TOMT: variants seen among roughly 807,000 people sequenced by gnomAD.
The protein encoded by TOMT is transmembrane O-methyltransferase.
TOMT carries 23 observed loss-of-function variants against 21.7 expected under a neutral mutation model. That is an observed-to-expected ratio of 1.06 (90% confidence interval 0.76 to 1.50). TOMT has a LOEUF of 1.50. Ranked by LOEUF, TOMT falls within the 40% of genes most tolerant of loss-of-function variation. The pLI is 0.00. For missense variants in TOMT, 331 were observed against 348.7 expected, an observed-to-expected ratio of 0.95 and a Z score of 0.41; for synonymous variants, 132 against 150.8, an observed-to-expected ratio of 0.88 and a Z score of 0.91.
intron 1 of TOMT, chr11:72,106,552 A>T (rs1945707986): frequency 5.2e-6 from 1 of 190,530 alleles, no homozygotes; most frequent in Non-Finnish European, 1.1e-5. Context: ...CTGTCTCCAC[A>T]TCTTTCCTCT....
At chr11:72,108,210 G>A in intron 2 of TOMT, 91 bp downstream of exon 2, 2 of 1,180,214 alleles carry the variant, frequency 1.7e-6, no homozygotes, top group South Asian at 1.8e-5. Flanking sequence ...TAAGGAGAAG[G>A]AAGCACCTCC....
At chr11:72,108,957 AC>A in exon 3 of TOMT, 1 of 1,306,488 alleles carries the variant, frequency 7.7e-7, no homozygotes. Context: ...ACTGATGCCC[AC>A]CCCCACCCCC....
Position 72,107,720 on chromosome 11 carries a change from G to T in TOMT, c.260-203G>T, listed in dbSNP as rs1437802397. On this transcript the variant is annotated intron_variant, in intron 1 of 2. Coordinates refer to ENST00000541899, the Ensembl canonical transcript of TOMT. ...GCCAAGGAGTAATAAGGTCAGATTTGTTGGAAAGATTCCAGGGCTGGTGTG... is the reference window on the plus strand; with the variant it reads ...GCCAAGGAGTAATAAGGTCAGATTTTTTGGAAAGATTCCAGGGCTGGTGTG... 4 of 624,238 alleles carry T rather than the reference G, an allele frequency of 6.4e-6. No individual in the cohort carries two copies. In the African/African-American group the frequency reaches 7.4e-5, roughly 11 times the overall value. 38.7% of individuals were successfully genotyped at this position (624,238 alleles called of 1,614,324 possible).
At chr11:72,109,167 A>G in exon 3 of TOMT, 1 of 542,044 alleles carries the variant, frequency 1.8e-6, no homozygotes, top group Non-Finnish European at 3.4e-6. Flanking sequence ...GACAGCAAGA[A>G]GCCTGAGCTC....
exon 3 of TOMT, chr11:72,108,632 G>T: frequency 6.7e-7 from 1 of 1,493,866 alleles, no homozygotes. Flanking sequence ...CAGCTCAGAG[G>T]ACGTGATCCC....
chr11:72,108,714 T>G, exon 3 of TOMT: 1 of 1,549,698 alleles, frequency 6.5e-7, no homozygotes, highest in Non-Finnish European at 8.7e-7. Context: ...CGATGTTACC[T>G]GAGGGACCTG....
Position 72,107,950 on chromosome 11 carries a change from A to G in TOMT, c.287A>G (p.Glu96Gly), listed in dbSNP as rs773397180. The G allele has an allele frequency of 1.5e-5, 23 of 1,551,626 alleles. No homozygotes were observed. The highest frequency in any genetic ancestry group is 2.4e-5 in the South Asian group (2 of 84,058). ...CAGATCCTGATGCGGCTGGTGGAGG[A>G]GAAGGCCCCTGCTTGTGTGCTGGAA... The change falls in exon 2 of 3, where the codon GAG becomes GGG. Residue 96 changes from glutamate to glycine, a missense_variant. Glu to Gly is a moderately conservative substitution (Grantham distance 98). Coordinates refer to ENST00000541899, the Ensembl canonical transcript of TOMT.
At chr11:72,107,864 T>G in intron 1 of TOMT, 59 bp from the exon 2 acceptor site, 1 of 1,538,240 alleles carries the variant, frequency 6.5e-7, no homozygotes, top group East Asian at 2.5e-5. Context: ...GAGATATCTT[T>G]TATCAGGGGC....
intron 2 of TOMT, 121 bp from the exon 3 acceptor site, chr11:72,108,484 G>A: frequency 1.2e-6 from 1 of 817,992 alleles, no homozygotes; most frequent in Non-Finnish European, 1.8e-6. Context: ...CAGAGGAAAT[G>A]TGAGAACACT....
chr11:72,107,253 C>G (rs1186166852), intron 1 of TOMT: 1 of 596,908 alleles, frequency 1.7e-6, no homozygotes, highest in Non-Finnish European at 3.0e-6. Context: ...GGCAACACAG[C>G]AAGACTTGGT....
chr11:72,106,119 T>C (rs989238802), exon 1 of TOMT: 3 of 1,546,774 alleles, frequency 1.9e-6, no homozygotes, highest in African/African-American at 1.4e-5. Context: ...TGCTCACCCA[T>C]GCCCTGCCCG....
At chr11:72,106,041 G>C (rs556093010) in exon 1 of TOMT, 1 of 1,551,086 alleles carries the variant, frequency 6.4e-7, no homozygotes, top group Non-Finnish European at 8.7e-7. Context: ...TGGTGCGCAC[G>C]GTCTTGCTGC....
At chr11:72,108,025 C>G in exon 2 of TOMT, 4 of 1,551,592 alleles carry the variant, frequency 2.6e-6, no homozygotes, top group Non-Finnish European at 3.5e-6. Context: ...CGAGCCCTGC[C>G]CCCTGGGGGT....
At position 72,106,074 on chromosome 11, in the gene TOMT, A is replaced by G. The variant is rs397516626; in HGVS notation, c.123A>G (p.Ser41=). The G allele has an allele frequency of 1.0e-4, 156 of 1,550,342 alleles. No individual in the cohort carries two copies. The East Asian group carries it at 3.5e-3, about 35-fold the overall frequency. ...TGCGAAGCCTCCGAGACTGCCTGTC[A>G]GGGCTGCGGATCGAGGAGCGGGCCT... Residue 41 remains serine (S), a synonymous_variant, in exon 1 of 3, where the codon TCA becomes TCG. Coordinates refer to ENST00000541899, the Ensembl canonical transcript of TOMT.
rs1945689670 is a variant in TOMT, at chr11:72,106,314, T to A, written c.259+104T>A. 2.3e-6 allele frequency: 3 copies of A among 1,289,446 alleles called. No homozygotes were observed. The African/African-American group carries it at 4.5e-5, about 19-fold the overall frequency. 79.9% of individuals were successfully genotyped at this position (1,289,446 alleles called of 1,614,324 possible). ...CTGGATGAATTGGGCAGGTTCTTGA[T>A]CCTCTTTTAGGGCCTCTTTTTTTTC... On this transcript the variant is annotated intron_variant, in intron 1 of 2. Transcript: ENST00000541899.
chr11:72,105,980 T>G (rs1253240554), exon 1 of TOMT: 1 of 1,550,372 alleles, frequency 6.5e-7, no homozygotes, highest in East Asian at 2.4e-5. Flanking sequence ...TTGGCCTTCC[T>G]GCCACTGGTG....
In TOMT at chr11:72,108,588, TCC is replaced by T; in HGVS notation, c.457-13_457-12del. ...AATTCCCCCCACCCTCACCTCCAGCTCCCCCTATCCCCACAGGTGGAGCTCAT... is the reference window on the plus strand; with the variant it reads ...AATTCCCCCCACCCTCACCTCCAGCTCCCTATCCCCACAGGTGGAGCTCAT... On this transcript the variant is annotated splice_polypyrimidine_tract_variant and intron_variant, in intron 2 of 2. Transcript: ENST00000541899. 1 of 1,436,814 alleles carries T rather than the reference TCC, an allele frequency of 7.0e-7. No homozygotes were observed. Among genetic ancestry groups the T allele is most frequent in the African/African-American group, 1.4e-5 (1 of 69,588 alleles). The allele number at this position is 1,436,814 out of a possible 1,614,324, so 89.0% of individuals were successfully genotyped here. A position where few individuals can be genotyped will look rare whatever the true frequency, so the allele number is the denominator to read the frequency against.
intron 2 of TOMT, among the ~76,000 whole-genome samples, 177 bp from the exon 3 acceptor site, chr11:72,108,428 A>G (rs1945948847): frequency 6.6e-6 from 1 of 152,264 alleles, no homozygotes; most frequent in Non-Finnish European, 1.5e-5. Context: ...TAGCTTCTTC[A>G]GAATGGAAAT....
intron 1 of TOMT, 79 bp from the exon 2 acceptor site, chr11:72,107,844 G>C (rs1483828442): frequency 1.3e-6 from 2 of 1,485,302 alleles, no homozygotes; most frequent in Non-Finnish European, 9.2e-7. Flanking sequence ...AGTGAGGCAG[G>C]TAGGCATTTG....
Sources: allele counts gnomAD v4.1 joint callset (sites outside exome capture counted in the v4.1 genomes callset), GRCh38; gene constraint gnomAD v4.1.1; transcripts MANE v1.5; gene names NCBI Gene and HGNC (gene_info 2026-07-23, HGNC 2026-07-21).